The following KAZN variants were observed in gnomAD, a reference collection of about 807,000 sequenced individuals.
KAZN encodes kazrin, periplakin interacting protein.
KAZN carries 40 observed loss-of-function variants against 87.4 expected under a neutral mutation model. The ratio of observed to expected loss-of-function variants is 0.46; its 90% CI spans 0.36 to 0.60. The LOEUF (loss-of-function observed/expected upper bound fraction) is 0.60. Ranked by LOEUF, KAZN falls within the 20% of genes least tolerant of loss-of-function variation. The probability of loss-of-function intolerance (pLI) is 0.00; values close to 1 mark genes in which losing one functional copy is unlikely to be tolerated. For synonymous variants in KAZN, 466 were observed against 458.3 expected, an observed-to-expected ratio of 1.02 and a Z score of -0.22; for missense variants, 898 against 1,073.9, an observed-to-expected ratio of 0.84 and a Z score of 2.29.
intron 1 of KAZN, among the ~76,000 whole-genome samples, chr1:14,687,762 A>G (rs1017707804): frequency 2.0e-5 from 3 of 152,248 alleles, no homozygotes; most frequent in Admixed American, 6.5e-5. Context: ...CGGGGCAATA[A>G]TGAATCATAT....
At chr1:14,903,068 C>T (rs1656113354) in intron 1 of KAZN, among the ~76,000 whole-genome samples, 1 of 151,912 alleles carries the variant, frequency 6.6e-6, no homozygotes, top group South Asian at 2.1e-4. Flanking sequence ...GGAGTTTCAC[C>T]ATGTTGGCCA....
intron 1 of KAZN, among the ~76,000 whole-genome samples, chr1:14,784,976 T>C (rs1296055702): frequency 3.3e-5 from 5 of 151,872 alleles, no homozygotes; most frequent in African/African-American, 1.2e-4. Context: ...TTACTTTTTT[T>C]TTTTTTTTTT....
intron 2 of KAZN, among the ~76,000 whole-genome samples, chr1:14,408,307 G>A (rs1664030890): frequency 1.3e-5 from 2 of 152,182 alleles, no homozygotes; most frequent in Admixed American, 6.5e-5. Flanking sequence ...CAAGTCTGTT[G>A]TGGGCATAGG....
At chr1:14,479,142 G>A (rs1375255255) in intron 2 of KAZN, among the ~76,000 whole-genome samples, 2 of 152,178 alleles carry the variant, frequency 1.3e-5, no homozygotes, top group African/African-American at 4.8e-5. Flanking sequence ...CACACATCCA[G>A]GCTGTGTGTG....
intron 8 of KAZN, chr1:15,067,526 A>T: frequency 2.0e-6 from 2 of 985,510 alleles, no homozygotes; most frequent in Non-Finnish European, 2.4e-6. Flanking sequence ...AACAACTAAC[A>T]GCTCAACCCA....
chr1:14,037,698 G>A (rs1436216852), intron 1 of KAZN, among the ~76,000 whole-genome samples: 3 of 152,184 alleles, frequency 2.0e-5, no homozygotes, highest in Admixed American at 2.0e-4. Flanking sequence ...GTGGCAGCCT[G>A]GTCACAAATA....
intron 2 of KAZN, among the ~76,000 whole-genome samples, chr1:14,398,108 C>G (rs889682231): frequency 4.6e-5 from 7 of 152,144 alleles, no homozygotes; most frequent in Non-Finnish European, 1.0e-4. Context: ...TACTAAAATG[C>G]CTGTGTTACA....
chr1:14,629,105 C>A (rs1679368551), intron 1 of KAZN, among the ~76,000 whole-genome samples: 1 of 152,066 alleles, frequency 6.6e-6, no homozygotes, highest in Non-Finnish European at 1.5e-5. Flanking sequence ...TCTTAGCCTC[C>A]CAAAGTGCTT....
At chr1:14,373,877 T>A (rs774397902) in intron 2 of KAZN, among the ~76,000 whole-genome samples, 2 of 152,188 alleles carry the variant, frequency 1.3e-5, no homozygotes, top group African/African-American at 4.8e-5. Flanking sequence ...TGCTAGGGAT[T>A]TGGTTGTCCA....
chr1:15,094,079 A>T lies in KAZN; in HGVS notation c.1223-101A>T. 1 of 975,766 alleles carries T rather than the reference A, an allele frequency of 1.0e-6. No homozygotes were observed. The highest frequency in any genetic ancestry group is 1.5e-6 in the Non-Finnish European group (1 of 652,172). The allele number at this position is 975,766 out of a possible 1,614,324, so 60.4% of individuals were successfully genotyped here. ...ATTTTGAAGAGAATACATGGAGGGG[A>T]GGATGTCCCCACCACCCTCTGCCTC... is the stretch of plus-strand genomic sequence containing the variant. On this transcript the variant is annotated intron_variant, in intron 8 of 14. Coordinates refer to ENST00000376030, the MANE Select transcript of KAZN (RefSeq NM_201628.3). This position sits in a 1 kb window ranked among gnomAD's most constrained non-coding sequence, Gnocchi z 4.5.
chr1:14,322,694 G>A (rs1656129387), intron 2 of KAZN, among the ~76,000 whole-genome samples: 1 of 152,148 alleles, frequency 6.6e-6, no homozygotes, highest in South Asian at 2.1e-4. Context: ...CATCAGTTTT[G>A]AGCCATGGAA....
chr1:14,021,554 G>C (rs538255049), intron 1 of KAZN, among the ~76,000 whole-genome samples: 1 of 151,678 alleles, frequency 6.6e-6, no homozygotes, highest in East Asian at 1.9e-4. Flanking sequence ...AAGGAGGAGA[G>C]GGTCTAGGTC....
At chr1:14,227,890 G>A (rs1003965745) in intron 2 of KAZN, among the ~76,000 whole-genome samples, 27 of 152,106 alleles carry the variant, frequency 1.8e-4, no homozygotes, top group East Asian at 1.2e-3. Flanking sequence ...TATACACACC[G>A]TTCAGCAGCA....
At chr1:14,352,157 T>A (rs914488015) in intron 2 of KAZN, among the ~76,000 whole-genome samples, 3 of 152,236 alleles carry the variant, frequency 2.0e-5, no homozygotes, top group Admixed American at 1.3e-4. Flanking sequence ...AAACATTGTT[T>A]TATGCTTGTA....
intron 1 of KAZN, among the ~76,000 whole-genome samples, chr1:14,887,622 A>T (rs898614912): frequency 1.3e-5 from 2 of 151,204 alleles, no homozygotes; most frequent in Non-Finnish European, 2.9e-5. Context: ...CCCCAAGACT[A>T]CCACGAGGAG....
chr1:15,047,350 C>T (rs977523551), intron 4 of KAZN, among the ~76,000 whole-genome samples: 1 of 152,184 alleles, frequency 6.6e-6, no homozygotes, highest in African/African-American at 2.4e-5. Flanking sequence ...GCCTTAAGTC[C>T]TGGGTTGCAA....
rs890416912 is a variant in KAZN at position 15,077,908 on chromosome 1, A to G, written c.1222+12155A>G. Among the ~76,000 whole-genome samples the G allele has an allele frequency of 1.8e-4, 27 of 152,198 alleles. No homozygotes were observed. Among genetic ancestry groups the G allele is most frequent in the African/African-American group, 6.0e-4 (25 of 41,444 alleles). The stretch of plus-strand genomic sequence containing the variant: ...ACATTTACTAAGTGCCTACTGTGCC[A>G]GGCATGGGGTAGGCATTTGATGTAC... On this transcript the variant is annotated intron_variant, in intron 8 of 14. Transcript: ENST00000376030. The surrounding 1 kb of genome is among the most constrained non-coding windows in gnomAD (Gnocchi z 4.8).
intron 1 of KAZN, among the ~76,000 whole-genome samples, chr1:14,782,533 G>A (rs114573736): frequency 0.014 from 1,876 of 129,966 alleles, 55 homozygotes; most frequent in African/African-American, 0.052. Context: ...GGGCAACAGG[G>A]CAAGACTCCA....
chr1:14,093,401 G>C (rs772338969), intron 1 of KAZN, among the ~76,000 whole-genome samples: 1 of 152,164 alleles, frequency 6.6e-6, no homozygotes, highest in Non-Finnish European at 1.5e-5. Context: ...GCTCTTTAAG[G>C]ATAGAGACTA....
Sources: gnomAD v4.1 joint callset for allele counts (sites outside exome capture counted in the v4.1 genomes callset) on GRCh38, gnomAD v4.1.1 for gene constraint, Gnocchi (gnomAD v3.1) non-coding constraint, MANE v1.5 for transcripts, NCBI Gene and HGNC (gene_info 2026-07-23, HGNC 2026-07-21) for gene names.